The following RASSF3 variants were observed in gnomAD, a reference collection of about 807,000 sequenced individuals.
The protein encoded by RASSF3 is Ras association domain family member 3.
RASSF3 carries 19 observed loss-of-function variants against 19.9 expected under a neutral mutation model. The observed-to-expected ratio is 0.96, with a 90% CI of 0.67 to 1.40. RASSF3 has a LOEUF of 1.40. Among genes scored for constraint, RASSF3 ranks in the 40% most tolerant of loss-of-function variants. RASSF3 has a pLI of 0.00. For missense variants in RASSF3, 306 were observed against 289.8 expected, an observed-to-expected ratio of 1.06 and a Z score of -0.41; for synonymous variants, 110 against 104.2, an observed-to-expected ratio of 1.06 and a Z score of -0.34.
Position 64,673,139 on chromosome 12 carries a change from T to G in RASSF3, c.112-11648T>G, listed in dbSNP as rs528817033. On this transcript the variant is annotated intron_variant, in intron 1 of 4. Transcript: ENST00000542104. ...GTCTTGAGACTTGACCTCCAAACTT[T>G]GACCTTAATAAAAACTGGTTTTTTA... Among the ~76,000 whole-genome samples, 5 of 152,332 alleles carry G rather than the reference T, an allele frequency of 3.3e-5. No individual in the cohort carries two copies. The South Asian group carries it at 6.2e-4, about 19-fold the overall frequency.
intron 2 of RASSF3, among the ~76,000 whole-genome samples, chr12:64,559,141 G>T (rs1869303013): frequency 6.6e-6 from 1 of 152,158 alleles, no homozygotes; most frequent in African/African-American, 2.4e-5. Flanking sequence ...GCGGAGGAGG[G>T]CCACCACTGC....
chr12:64,556,685 A>T (rs60243120), intron 2 of RASSF3, among the ~76,000 whole-genome samples: 5,358 of 152,110 alleles, frequency 0.035, 335 homozygotes, highest in African/African-American at 0.12. Context: ...CACAGCTGCC[A>T]CAGTTCACCC....
intron 2 of RASSF3, among the ~76,000 whole-genome samples, chr12:64,587,403 T>G (rs1390891871): frequency 6.6e-6 from 1 of 152,172 alleles, no homozygotes; most frequent in Non-Finnish European, 1.5e-5. Context: ...GTTGCATGTG[T>G]ATGTGGTTCT....
intron 1 of RASSF3, among the ~76,000 whole-genome samples, chr12:64,676,898 A>T (rs1187174734): frequency 2.0e-5 from 3 of 151,790 alleles, no homozygotes; most frequent in Non-Finnish European, 4.4e-5. Flanking sequence ...CCTCCCAAGT[A>T]GCTGTGACTA....
chr12:64,645,388 G>C (rs986010014), intron 1 of RASSF3, among the ~76,000 whole-genome samples: 4 of 151,998 alleles, frequency 2.6e-5, no homozygotes, highest in African/African-American at 9.7e-5. Context: ...CTTTGGTGAG[G>C]CATGGCAGCT....
chr12:64,680,431 G>T (rs1592466194), intron 1 of RASSF3, among the ~76,000 whole-genome samples: 1 of 152,006 alleles, frequency 6.6e-6, no homozygotes, highest in South Asian at 2.1e-4. Context: ...GGTGTCTGCT[G>T]CTGAGCCTGA....
chr12:64,559,246 CTTTTTTTT>C (rs56100965), intron 2 of RASSF3, among the ~76,000 whole-genome samples: 1 of 140,788 alleles, frequency 7.1e-6, no homozygotes, highest in African/African-American at 2.6e-5. Flanking sequence ...TTCTTTTTTT[CTTTTTTTT>C]TTTTTTTGAG....
intron 2 of RASSF3, among the ~76,000 whole-genome samples, chr12:64,565,348 G>A (rs995580329): frequency 6.6e-5 from 10 of 150,582 alleles, no homozygotes; most frequent in South Asian, 4.2e-4. Context: ...AGGCTGAGGC[G>A]GGTGTATCAC....
chr12:64,539,377 G>A (rs1006331519), intron 1 of RASSF3, among the ~76,000 whole-genome samples: 12 of 152,222 alleles, frequency 7.9e-5, no homozygotes, highest in African/African-American at 2.6e-4. Flanking sequence ...TACTATCAAC[G>A]CATGAATTTG....
intron 1 of RASSF3, among the ~76,000 whole-genome samples, chr12:64,656,126 G>T (rs191555980): frequency 6.6e-6 from 1 of 152,112 alleles, no homozygotes; most frequent in Admixed American, 6.6e-5. Context: ...TGAACATGAG[G>T]TTTACTAGAA....
chr12:64,566,735 C>T (rs1181679235), intron 2 of RASSF3, among the ~76,000 whole-genome samples: 2 of 152,028 alleles, frequency 1.3e-5, no homozygotes, highest in Non-Finnish European at 2.9e-5. Flanking sequence ...TGTGAGAAGC[C>T]CACAGTGAGA....
At chr12:64,544,143 G>GA (rs1869007887), downstream of RASSF3, among the ~76,000 whole-genome samples, 2 of 152,038 alleles carry the variant, frequency 1.3e-5, no homozygotes, top group African/African-American at 2.4e-5. Context: ...CTCACTCTTT[G>GA]GGTCACACTG....
chr12:64,578,784 A>G (rs1869638614), intron 2 of RASSF3, among the ~76,000 whole-genome samples: 1 of 152,242 alleles, frequency 6.6e-6, no homozygotes, highest in Non-Finnish European at 1.5e-5. Flanking sequence ...ACTGCTGCCC[A>G]GGCATCAGCC....
At chr12:64,683,186 A>G (rs972191674) in intron 1 of RASSF3, among the ~76,000 whole-genome samples, 19 of 152,376 alleles carry the variant, frequency 1.2e-4, no homozygotes, top group African/African-American at 4.3e-4. Flanking sequence ...AGGGAGGATT[A>G]GCAGGCTTTC....
intron 1 of RASSF3, among the ~76,000 whole-genome samples, chr12:64,657,126 C>T (rs1313995398): frequency 6.6e-6 from 1 of 152,020 alleles, no homozygotes; most frequent in African/African-American, 2.4e-5. Flanking sequence ...TTTCTCCTGC[C>T]TCAACCTCCC....
At chr12:64,542,428 A>C (rs1868949619), downstream of RASSF3, among the ~76,000 whole-genome samples, 2 of 152,246 alleles carry the variant, frequency 1.3e-5, no homozygotes, top group Admixed American at 6.5e-5. Context: ...TGGTAGAACT[A>C]GTAGATCCTC....
rs532199307 is a variant in RASSF3, at chr12:64,605,157, AT to A, written c.294+63460del. ...CCCACCACATTCAGCTAATTTTTGTATTTTTTTTAGTAGAGATGGGGTATCA... is the reference window on the plus strand; with the variant it reads ...CCCACCACATTCAGCTAATTTTTGTATTTTTTTAGTAGAGATGGGGTATCA... On this transcript the variant is annotated intron_variant, in intron 2 of 5. Coordinates refer to the RASSF3 transcript ENST00000637125. Among the ~76,000 whole-genome samples the A allele has an allele frequency of 6.1e-3, 910 of 149,194 alleles. 10 individuals are homozygous for A. The highest frequency in any genetic ancestry group is 0.021 in the African/African-American group (860 of 40,598).
At chr12:64,599,570 CCT>C (rs959199256) in intron 2 of RASSF3, among the ~76,000 whole-genome samples, 7 of 152,316 alleles carry the variant, frequency 4.6e-5, no homozygotes, top group Admixed American at 1.3e-4. Context: ...GTCTGACACT[CCT>C]CTCACCCTAG....
intron 2 of RASSF3, among the ~76,000 whole-genome samples, chr12:64,571,858 G>A (rs1869524156): frequency 6.6e-6 from 1 of 152,188 alleles, no homozygotes; most frequent in African/African-American, 2.4e-5. Flanking sequence ...CATACACAAA[G>A]TAAGGCTTGC....
Sources: gnomAD v4.1 joint callset for allele counts (sites outside exome capture counted in the v4.1 genomes callset) on GRCh38, gnomAD v4.1.1 for gene constraint, MANE v1.5 for transcripts, NCBI Gene and HGNC (gene_info 2026-07-23, HGNC 2026-07-21) for gene names.